RFC3: variants seen among roughly 807,000 people sequenced by gnomAD.
RFC3 encodes A1 38 kDa subunit.
RFC3 carries 41 observed loss-of-function variants against 45.1 expected under a neutral mutation model. The ratio of observed to expected loss-of-function variants is 0.91; its 90% CI spans 0.71 to 1.18. The LOEUF (loss-of-function observed/expected upper bound fraction) is 1.18. Ranked by LOEUF, RFC3 falls within the 50% of genes most tolerant of loss-of-function variation. RFC3 has a pLI of 0.00. For synonymous variants in RFC3, 149 were observed against 144.0 expected (o/e 1.03, Z -0.25); for missense variants, 423 against 428.1 (o/e 0.99, Z 0.10).
intron 8 of RFC3, among the ~76,000 whole-genome samples, chr13:33,842,815 T>C (rs2082209387): frequency 1.3e-5 from 2 of 152,198 alleles, no homozygotes. Flanking sequence ...GTATAAGTCT[T>C]GAAGCTAGGA....
chr13:33,850,322 C>T (rs1314669967), intron 8 of RFC3: 2 of 151,940 alleles, frequency 1.3e-5, no homozygotes, highest in African/African-American at 4.8e-5. Context: ...TTATATGGTT[C>T]AAGAAAAATT....
intron 8 of RFC3, among the ~76,000 whole-genome samples, chr13:33,852,924 A>G (rs1034894733): frequency 6.6e-6 from 1 of 152,142 alleles, no homozygotes; most frequent in African/African-American, 2.4e-5. Context: ...GCACAGACCA[A>G]CCTTGTCCTA....
the RFC3 span, among the ~76,000 whole-genome samples, chr13:33,972,916 A>T: frequency 2.6e-5 from 4 of 152,190 alleles, no homozygotes; most frequent in Non-Finnish European, 5.9e-5. Flanking sequence ...GCTTTATGGG[A>T]CCTACCTTGC....
chr13:33,928,985 A>C (rs1311061691), intron 8 of RFC3, among the ~76,000 whole-genome samples: 1 of 152,110 alleles, frequency 6.6e-6, no homozygotes, highest in Non-Finnish European at 1.5e-5. Flanking sequence ...AAAAGTTTCA[A>C]AATCTATTTG....
intron 8 of RFC3, among the ~76,000 whole-genome samples, chr13:33,845,930 A>G (rs1253962097): frequency 6.6e-6 from 1 of 152,204 alleles, no homozygotes; most frequent in East Asian, 1.9e-4. Context: ...CCAAGTGTTC[A>G]GAGAAAATTG....
At chr13:33,885,481 C>G (rs1223194060) in intron 8 of RFC3, among the ~76,000 whole-genome samples, 3 of 152,152 alleles carry the variant, frequency 2.0e-5, no homozygotes, top group African/African-American at 7.2e-5. Context: ...TCAGCCCTTA[C>G]CCCCTCCTCC....
intron 8 of RFC3, among the ~76,000 whole-genome samples, chr13:33,925,817 C>T (rs1444556301): frequency 6.6e-6 from 1 of 151,874 alleles, no homozygotes; most frequent in Non-Finnish European, 1.5e-5. Context: ...CAACCACCAC[C>T]ACATATCTCC....
intron 8 of RFC3, among the ~76,000 whole-genome samples, chr13:33,874,561 C>T (rs546705374): frequency 8.5e-5 from 13 of 152,314 alleles, no homozygotes; most frequent in African/African-American, 3.1e-4. Context: ...TCGGGTGATC[C>T]ACCTGCCTTG....
At chr13:33,944,759 C>T (rs2137812961) in intron 8 of RFC3, among the ~76,000 whole-genome samples, 1 of 152,236 alleles carries the variant, frequency 6.6e-6, no homozygotes, top group Admixed American at 6.5e-5. Flanking sequence ...CCCACACGCA[C>T]ACACTCAAAT....
chr13:33,904,747 A>G (rs773957808), intron 8 of RFC3, among the ~76,000 whole-genome samples: 1 of 151,938 alleles, frequency 6.6e-6, no homozygotes, highest in African/African-American at 2.4e-5. Flanking sequence ...TCCACATTTA[A>G]CATGCCCACG....
intron 8 of RFC3, among the ~76,000 whole-genome samples, chr13:33,860,764 G>A (rs955771920): frequency 2.6e-5 from 4 of 152,232 alleles, no homozygotes; most frequent in East Asian, 3.9e-4. Flanking sequence ...TTTGGCAACC[G>A]CCAATTAACG....
intron 8 of RFC3, among the ~76,000 whole-genome samples, chr13:33,963,818 G>T (rs189844866): frequency 2.6e-5 from 4 of 152,156 alleles, no homozygotes; most frequent in Admixed American, 2.6e-4. Flanking sequence ...GAAAGCCACA[G>T]GAAAGATATG....
intron 8 of RFC3, among the ~76,000 whole-genome samples, chr13:33,948,928 G>A (rs2082971190): frequency 6.6e-6 from 1 of 152,158 alleles, no homozygotes; most frequent in African/African-American, 2.4e-5. Flanking sequence ...AGCAACTTGT[G>A]TTGTCTCAGA....
intron 4 of RFC3, chr13:33,829,543 T>A (rs2082081605): frequency 3.3e-6 from 1 of 302,354 alleles, no homozygotes; most frequent in African/African-American, 2.2e-5. Context: ...TTACTAGCCC[T>A]GCCAACGCAA....
rs949006915 is a variant in RFC3 at position 33,818,157 on chromosome 13, G to GC, written c.-17dup. 2.5e-6 allele frequency: 4 copies of GC among 1,603,976 alleles called. No homozygotes were observed. Among genetic ancestry groups the GC allele is most frequent in the Non-Finnish European group, 1.7e-6 (2 of 1,173,108 alleles). On this transcript the variant is annotated 5_prime_UTR_variant, in exon 1 of 9. Coordinates refer to ENST00000380071, the MANE Select transcript of RFC3 (RefSeq NM_002915.4). ...GCTCGCGCGGGATTTTCAAGCGTAG[G>GC]CCCCCGGGAACTCGAGCTGCCATGA...
intron 8 of RFC3, among the ~76,000 whole-genome samples, chr13:33,905,872 G>A (rs2082669255): frequency 6.6e-6 from 1 of 152,074 alleles, no homozygotes; most frequent in African/African-American, 2.4e-5. Context: ...GACCTGATAA[G>A]ACAATCCATA....
chr13:33,825,063 G>A (rs910865873), intron 3 of RFC3, among the ~76,000 whole-genome samples: 2 of 152,144 alleles, frequency 1.3e-5, no homozygotes, highest in Non-Finnish European at 2.9e-5. Flanking sequence ...CTCATCGTGA[G>A]TTCTTCTGAA....
downstream of RFC3, among the ~76,000 whole-genome samples, chr13:33,970,855 A>C (rs1035962495): frequency 1.9e-4 from 29 of 152,214 alleles, no homozygotes; most frequent in African/African-American, 7.0e-4. Context: ...AGCCTACTAC[A>C]TGCAGAGACT....
intron 8 of RFC3, among the ~76,000 whole-genome samples, chr13:33,882,688 A>G (rs989528035): frequency 6.6e-6 from 1 of 152,100 alleles, no homozygotes; most frequent in Non-Finnish European, 1.5e-5. Flanking sequence ...AAGCCACCCA[A>G]TCTTTTGTGT....
Sources: gnomAD v4.1 joint callset for allele counts (sites outside exome capture counted in the v4.1 genomes callset) on GRCh38, gnomAD v4.1.1 for gene constraint, MANE v1.5 for transcripts, NCBI Gene and HGNC (gene_info 2026-07-23, HGNC 2026-07-21) for gene names.